Variants in NTRK2 observed in about 807,000 individuals in gnomAD.
NTRK2 encodes the protein neurotrophic receptor tyrosine kinase 2, also known as BDNF/NT-3 growth factors receptor.
A neutral mutation model predicts 94.5 loss-of-function variants in NTRK2; 13 were observed. The observed-to-expected ratio is 0.14, with a 90% CI of 0.09 to 0.22. The LOEUF (loss-of-function observed/expected upper bound fraction) is 0.22. Ranked by LOEUF, NTRK2 falls within the 10% of genes least tolerant of loss-of-function variation. The pLI is 1.00. For missense variants in NTRK2, 639 were observed against 1,071.2 expected (o/e 0.60, Z 5.63); for synonymous variants, 372 against 407.4 (o/e 0.91, Z 1.05).
chr9:84,874,745 C>T lies in NTRK2; in HGVS notation c.1633+7314C>T, dbSNP rs186242787. On this transcript the variant is annotated intron_variant, in intron 14 of 18. Coordinates refer to ENST00000277120, the MANE Select transcript of NTRK2 (RefSeq NM_006180.6). ...GCCCTCTGAGACTGAGAGAGCAGCCCGAGGAGGAGATGAATCCATTCTGCC... is the reference window on the plus strand; with the variant it reads ...GCCCTCTGAGACTGAGAGAGCAGCCTGAGGAGGAGATGAATCCATTCTGCC... The T allele has an allele frequency of 4.1e-5, 43 of 1,060,608 alleles. 1 individual carries two copies. The highest frequency in any genetic ancestry group is 4.6e-5 in the South Asian group (1 of 21,930). The allele number at this position is 1,060,608 out of a possible 1,614,324, so 65.7% of individuals were successfully genotyped here. A position where few individuals can be genotyped will look rare whatever the true frequency, so the allele number is the denominator to read the frequency against.
chr9:84,945,196 C>A (rs2078556406), intron 15 of NTRK2, among the ~76,000 whole-genome samples: 1 of 152,210 alleles, frequency 6.6e-6, no homozygotes, highest in African/African-American at 2.4e-5. Context: ...CCACTCCTCA[C>A]TTTGGCCCAT....
chr9:84,689,804 T>C (rs1329140088), intron 2 of NTRK2, among the ~76,000 whole-genome samples: 3 of 152,174 alleles, frequency 2.0e-5, no homozygotes, highest in African/African-American at 7.2e-5. Flanking sequence ...CTCCCTCTAG[T>C]GCCTGGCAAC....
chr9:84,704,323 G>A (rs528251659), intron 4 of NTRK2, among the ~76,000 whole-genome samples: 5 of 149,446 alleles, frequency 3.3e-5, no homozygotes, highest in Non-Finnish European at 7.4e-5. Flanking sequence ...CCGCCTCCTG[G>A]GTTCATGCCA....
At chr9:84,907,376 A>G (rs1479534028) in intron 14 of NTRK2, among the ~76,000 whole-genome samples, 2 of 152,236 alleles carry the variant, frequency 1.3e-5, no homozygotes, top group East Asian at 3.8e-4. Flanking sequence ...GAACTGAAAG[A>G]TGTGTTGCAT....
chr9:84,818,144 C>A (rs896124283), intron 12 of NTRK2, among the ~76,000 whole-genome samples: 2 of 152,052 alleles, frequency 1.3e-5, no homozygotes, highest in African/African-American at 4.8e-5. Flanking sequence ...TGTATTGTAA[C>A]GATTAGGAAA....
At chr9:84,788,387 G>A (rs1331611048) in intron 12 of NTRK2, among the ~76,000 whole-genome samples, 1 of 152,208 alleles carries the variant, frequency 6.6e-6, no homozygotes, top group Non-Finnish European at 1.5e-5. Flanking sequence ...CTATAGAGAG[G>A]AGAAGGTCAT....
intron 17 of NTRK2, among the ~76,000 whole-genome samples, chr9:84,971,047 G>A (rs1826125137): frequency 6.6e-6 from 1 of 152,148 alleles, no homozygotes; most frequent in African/African-American, 2.4e-5. Flanking sequence ...GGAGCAGGCT[G>A]GGACAGTGTT....
rs142393662 is a variant in NTRK2 at position 84,745,056 on chromosome 9, G to A, written c.1279G>A (p.Gly427Ser). Residue 427 changes from glycine (G) to serine (S), a missense_variant, in exon 11 of 19, where the codon GGT becomes AGT. Gly to Ser is a moderately conservative substitution (Grantham distance 56). This residue lies in a region of NTRK2 where 343 missense variants were observed against 571.5 expected (regional missense o/e 0.60). Coordinates refer to ENST00000277120, the MANE Select transcript of NTRK2 (RefSeq NM_006180.6). Reference protein sequence around the residue: ...IPSTDVTDKTGREHLSVYAVV... With the variant: ...IPSTDVTDKTSREHLSVYAVV... ...TTCCACAGACGTCACTGATAAAACC[G>A]GTCGGGAACATCTCTCGGTGAGTGG... is the stretch of plus-strand genomic sequence containing the variant. The A allele has an allele frequency of 3.8e-5, 61 of 1,613,156 alleles. No homozygotes were observed. Among genetic ancestry groups the A allele is most frequent in the Admixed American group, 8.3e-5 (5 of 59,964 alleles).
intron 2 of NTRK2, among the ~76,000 whole-genome samples, chr9:84,676,283 A>C (rs1436739122): frequency 6.6e-6 from 1 of 152,212 alleles, no homozygotes; most frequent in Non-Finnish European, 1.5e-5. Flanking sequence ...TGTATACATC[A>C]GCTGTGAAGG....
intron 9 of NTRK2, 61 bp from the exon 10 acceptor site, chr9:84,741,826 ATAGGT>A: frequency 7.3e-7 from 1 of 1,366,480 alleles, no homozygotes; most frequent in South Asian, 1.2e-5. Flanking sequence ...TTTAGTTGAC[ATAGGT>A]TAGTAATTTT....
At chr9:84,943,816 A>G (rs1244694734) in intron 15 of NTRK2, among the ~76,000 whole-genome samples, 2 of 152,316 alleles carry the variant, frequency 1.3e-5, no homozygotes, top group Middle Eastern at 3.4e-3. Flanking sequence ...AGGATTTTCC[A>G]GCTTCTGATT....
At chr9:84,990,826 A>T (rs1448789978) in intron 17 of NTRK2, among the ~76,000 whole-genome samples, 1 of 152,216 alleles carries the variant, frequency 6.6e-6, no homozygotes, top group African/African-American at 2.4e-5. Flanking sequence ...GGCTTAAAGA[A>T]CAGAGGGGAA....
intron 17 of NTRK2, among the ~76,000 whole-genome samples, chr9:85,018,659 T>C (rs1015591451): frequency 3.3e-5 from 5 of 152,222 alleles, no homozygotes; most frequent in African/African-American, 9.6e-5. Flanking sequence ...AGAAATGTGC[T>C]GAAATAGCTG....
At chr9:84,771,698 G>A (rs2066560919) in intron 12 of NTRK2, among the ~76,000 whole-genome samples, 1 of 152,136 alleles carries the variant, frequency 6.6e-6, no homozygotes, top group African/African-American at 2.4e-5. Context: ...ATGAAGCTCA[G>A]GTGTCACTTC....
At chr9:84,915,160 G>A (rs576073827) in intron 14 of NTRK2, among the ~76,000 whole-genome samples, 2 of 152,076 alleles carry the variant, frequency 1.3e-5, no homozygotes, top group Admixed American at 6.5e-5. Context: ...TTACTCATCC[G>A]CTGCTCACTG....
At position 84,762,014 on chromosome 9, in the gene NTRK2, C is replaced by A. The variant is rs528309543; in HGVS notation, c.1396+9929C>A. 4.6e-5 allele frequency among the ~76,000 whole-genome samples: 7 copies of A among 152,070 alleles called. No individual in the cohort carries two copies. In the East Asian group the frequency reaches 1.4e-3, roughly 29 times the overall value. On this transcript the variant is annotated intron_variant, in intron 12 of 18. Transcript: ENST00000277120. Reference sequence around the variant, plus strand: ...CTCGTGATAGTGAATAAGTCTCACACGATCTGAGGTTTTTTTTTTATAAAG... The same window carrying A: ...CTCGTGATAGTGAATAAGTCTCACAAGATCTGAGGTTTTTTTTTTATAAAG...
intron 17 of NTRK2, among the ~76,000 whole-genome samples, chr9:84,985,272 A>T (rs1828155563): frequency 6.6e-6 from 1 of 152,190 alleles, no homozygotes; most frequent in Non-Finnish European, 1.5e-5. Flanking sequence ...TTTGTATCTC[A>T]ATTTGAAGGA....
At chr9:84,811,195 A>G in intron 12 of NTRK2, 1 of 1,062,734 alleles carries the variant, frequency 9.4e-7, no homozygotes, top group Admixed American at 5.4e-5. Flanking sequence ...TATTTCCTTC[A>G]CTGTCAATAA....
At chr9:84,886,794 T>C (rs1403569752) in intron 14 of NTRK2, among the ~76,000 whole-genome samples, 2 of 152,214 alleles carry the variant, frequency 1.3e-5, no homozygotes, top group African/African-American at 4.8e-5. Flanking sequence ...TTGTGTTTTC[T>C]GGGCCACCAA....
Sources: gnomAD v4.1 joint callset for allele counts (sites outside exome capture counted in the v4.1 genomes callset) on GRCh38, gnomAD v4.1.1 for gene constraint, gnomAD v4.1.1 regional missense constraint, MANE v1.5 for transcripts, NCBI Gene and HGNC (gene_info 2026-07-23, HGNC 2026-07-21) for gene names.